The following NCCRP1 variants were observed in gnomAD, a reference collection of about 807,000 sequenced individuals.
NCCRP1 encodes the protein F-box only protein 50.
A neutral mutation model predicts 34.4 loss-of-function variants in NCCRP1; 32 were observed. The ratio of observed to expected loss-of-function variants is 0.93; its 90% CI spans 0.70 to 1.25. The LOEUF (loss-of-function observed/expected upper bound fraction) is 1.25. Ranked by LOEUF, NCCRP1 falls within the 50% of genes most tolerant of loss-of-function variation. The pLI, the probability that NCCRP1 is intolerant of heterozygous loss-of-function variation, is 0.00. For missense variants in NCCRP1, 372 were observed against 391.8 expected (o/e 0.95, Z 0.43); for synonymous variants, 172 against 180.1 (o/e 0.95, Z 0.36).
chr19:39,199,338 G>C, intron 4 of NCCRP1, 73 bp downstream of exon 4: 3 of 1,384,368 alleles, frequency 2.2e-6, no homozygotes, highest in Non-Finnish European at 3.0e-6. Context: ...CTTACTCTGA[G>C]CTCCCCTTGC....
At position 39,200,656 on chromosome 19, in the gene NCCRP1, T is replaced by C. The variant is rs2074784608; in HGVS notation, c.728T>C (p.Phe243Ser). The C allele has an allele frequency of 2.5e-6, 4 of 1,613,962 alleles. No homozygotes were observed. Among genetic ancestry groups the C allele is most frequent in the Admixed American group, 3.3e-5 (2 of 59,984 alleles). The change falls in exon 6 of 6, where the codon TTT (phenylalanine) becomes TCT (serine). Residue 243 changes from phenylalanine to serine, a missense_variant. Transcript: ENST00000339852. The surrounding 1 kb of genome is among the most constrained non-coding windows in gnomAD (Gnocchi z 5.8). ...VFRHYGPGVR[F>S]IHFLHKAKNR... ...CGCCATTATGGTCCCGGTGTGCGCT[T>C]TATCCACTTCCTGCACAAGGCCAAG...
intron 1 of NCCRP1, among the ~76,000 whole-genome samples, chr19:39,197,547 T>C (rs1001207343): frequency 2.0e-5 from 3 of 151,992 alleles, no homozygotes; most frequent in Non-Finnish European, 4.4e-5. Context: ...TCCATCTCTC[T>C]TTCTCTCTCC....
chr19:39,200,894 CGGTGGACTCCAGCATTTTCCCAGCA>C lies in NCCRP1; in HGVS notation c.*139_*163del. 9.2e-7 allele frequency: 1 copy of C among 1,083,724 alleles called. No individual in the cohort carries two copies. The highest frequency in any genetic ancestry group is 1.3e-6 in the Non-Finnish European group (1 of 761,504). 67.1% of individuals were successfully genotyped at this position (1,083,724 alleles called of 1,614,324 possible). ...ATGGACAGCTTCACACACCCTTAAG[CGGTGGACTCCAGCATTTTCCCAGCA>C]CTGTCTGAGCCCCATGAGGGCGGAG... On this transcript the variant is annotated 3_prime_UTR_variant, in exon 6 of 6. Coordinates refer to ENST00000339852, the MANE Select transcript of NCCRP1 (RefSeq NM_001001414.2). The surrounding 1 kb of genome is among the most constrained non-coding windows in gnomAD (Gnocchi z 5.8).
At chr19:39,199,328 C>T in intron 4 of NCCRP1, 63 bp downstream of exon 4, 2 of 1,473,672 alleles carry the variant, frequency 1.4e-6, no homozygotes, top group African/African-American at 2.8e-5. Flanking sequence ...GAGCATGAGC[C>T]TTACTCTGAG....
Position 39,200,225 on chromosome 19 carries a change from C to A in NCCRP1, c.549-121C>A. On this transcript the variant is annotated intron_variant, in intron 4 of 5. Transcript: ENST00000339852. This position sits in a 1 kb window ranked among gnomAD's most constrained non-coding sequence, Gnocchi z 5.8. ...TCACTGCTATGTTGCCAGCACCACCCAGCTCAGGGCTGTGTACAGCATGGG... is the reference window on the plus strand; with the variant it reads ...TCACTGCTATGTTGCCAGCACCACCAAGCTCAGGGCTGTGTACAGCATGGG... 1 of 1,325,180 alleles carries A rather than the reference C, an allele frequency of 7.5e-7. No homozygotes were observed. The allele number at this position is 1,325,180 out of a possible 1,614,324, so 82.1% of individuals were successfully genotyped here.
At chr19:39,199,048 C>T (rs2074775163) in intron 3 of NCCRP1, 122 bp from the exon 4 acceptor site, 1 of 813,834 alleles carries the variant, frequency 1.2e-6, no homozygotes, top group South Asian at 1.5e-5. Flanking sequence ...GTGGAAGGTG[C>T]TGAGGGAGCA....
rs60036622 is a variant in NCCRP1, at chr19:39,201,312, CT to C, written c.*572del. ...TCCCCTTAGCATCTCCACTTACCTA[CT>C]TTTTTTTTTTTTTTTGAGATGGCAT... On this transcript the variant is annotated 3_prime_UTR_variant, in exon 6 of 6. Coordinates refer to ENST00000339852, the MANE Select transcript of NCCRP1 (RefSeq NM_001001414.2). 0.046 allele frequency: 6,386 copies of C among 137,566 alleles called. 458 individuals carry two copies. The highest frequency in any genetic ancestry group is 0.16 in the African/African-American group (6,005 of 37,654). The allele number at this position is 137,566 out of a possible 1,614,324, so 8.5% of individuals were successfully genotyped here.
intron 3 of NCCRP1, 63 bp downstream of exon 3, chr19:39,198,316 G>T: frequency 6.4e-7 from 1 of 1,569,732 alleles, no homozygotes; most frequent in Non-Finnish European, 8.8e-7. Flanking sequence ...CTCACTGTGA[G>T]ACCTGGAGAA....
chr19:39,199,486 T>TC (rs992104839), intron 4 of NCCRP1, among the ~76,000 whole-genome samples: 12 of 79,832 alleles, frequency 1.5e-4, no homozygotes, highest in Non-Finnish European at 3.4e-4. Flanking sequence ...CTTTTTCTTT[T>TC]CTTTTTTTTT....
At chr19:39,198,830 C>T (rs1227028980) in intron 3 of NCCRP1, among the ~76,000 whole-genome samples, 4 of 152,176 alleles carry the variant, frequency 2.6e-5, no homozygotes, top group Admixed American at 1.3e-4. Flanking sequence ...GGCCCCTGTC[C>T]TCCATGAAAC....
chr19:39,199,071 G>A (rs1012352053), intron 3 of NCCRP1, 99 bp from the exon 4 acceptor site: 6 of 1,133,240 alleles, frequency 5.3e-6, no homozygotes, highest in Non-Finnish European at 7.9e-6. Flanking sequence ...CCACGTGTGG[G>A]GACCCAAGCT....
chr19:39,197,081 A>G lies in NCCRP1; in HGVS notation c.99A>G (p.Ser33=). Residue 33 remains serine (S), a synonymous_variant, in exon 1 of 6, where the codon TCA becomes TCG. Coordinates refer to ENST00000339852, the MANE Select transcript of NCCRP1 (RefSeq NM_001001414.2). ...TGCCTCCCTCGCCACGGTCGCCTTC[A>G]CCGCCGCCGTCGCCGCCACCACTGC... ...QELPPSPRSP[S]PPPSPPPLPS... 1 of 1,528,976 alleles carries G rather than the reference A, an allele frequency of 6.5e-7. No individual in the cohort carries two copies. The highest frequency in any genetic ancestry group is 8.7e-7 in the Non-Finnish European group (1 of 1,144,458). 94.7% of individuals were successfully genotyped at this position (1,528,976 alleles called of 1,614,324 possible). A position where few individuals can be genotyped will look rare whatever the true frequency, so the allele number is the denominator to read the frequency against.
In NCCRP1 at chr19:39,199,305, G is replaced by A. The variant is rs57769351; in HGVS notation, c.548+40G>A. The A allele has an allele frequency of 0.01, 16,129 of 1,568,850 alleles. 1,381 individuals are homozygous for A. The African/African-American group carries it at 0.19, about 18-fold the overall frequency. ...CCTGCCAGCCTGACCCCGTGATCGCGCAGGGCTGCCCAGAGCATGAGCCTT... is the reference window on the plus strand; with the variant it reads ...CCTGCCAGCCTGACCCCGTGATCGCACAGGGCTGCCCAGAGCATGAGCCTT... On this transcript the variant is annotated intron_variant, in intron 4 of 5. Coordinates refer to ENST00000339852, the MANE Select transcript of NCCRP1 (RefSeq NM_001001414.2).
At position 39,197,083 on chromosome 19, in the gene NCCRP1, C is replaced by T; in HGVS notation, c.101C>T (p.Pro34Leu). 1.3e-6 allele frequency: 2 copies of T among 1,528,912 alleles called. No homozygotes were observed. Among genetic ancestry groups the T allele is most frequent in the Non-Finnish European group, 1.7e-6 (2 of 1,144,404 alleles). 94.7% of individuals were successfully genotyped at this position (1,528,912 alleles called of 1,614,324 possible). ...ELPPSPRSPS[P>L]PPSPPPLPSP... ...CCTCCCTCGCCACGGTCGCCTTCAC[C>T]GCCGCCGTCGCCGCCACCACTGCCC... The change falls in exon 1 of 6, where the codon CCG (proline) becomes CTG (leucine). Residue 34 changes from proline (P) to leucine (L), a missense_variant. By Grantham distance (98) the Pro-to-Leu change is moderately conservative (BLOSUM62 -3). Coordinates refer to ENST00000339852, the MANE Select transcript of NCCRP1 (RefSeq NM_001001414.2).
chr19:39,197,361 C>T, intron 1 of NCCRP1, 42 bp downstream of exon 1: 2 of 1,367,352 alleles, frequency 1.5e-6, no homozygotes, highest in Non-Finnish European at 1.9e-6. Flanking sequence ...CCACCCTGAC[C>T]GTCTGTCTCT....
In NCCRP1 at chr19:39,200,439, G is replaced by A. The variant is rs1293121150; in HGVS notation, c.642G>A (p.Val214=). ...GCACGGTCATTGCTCAGCACCACGT[G>A]GCCCCCCGAACTTCTGGGAGAGGAC... The part of the protein sequence containing the change: ...DRRTVIAQHH[V]APRTSGRGPP... The change falls in exon 5 of 6, where the codon GTG becomes GTA. Residue 214 remains valine (V), a synonymous_variant. Coordinates refer to ENST00000339852, the MANE Select transcript of NCCRP1 (RefSeq NM_001001414.2). This position sits in a 1 kb window ranked among gnomAD's most constrained non-coding sequence, Gnocchi z 5.8. The A allele has an allele frequency of 1.2e-6, 2 of 1,613,416 alleles. No individual in the cohort carries two copies. The highest frequency in any genetic ancestry group is 1.7e-6 in the Non-Finnish European group (2 of 1,180,032).
chr19:39,200,326 G>A lies in NCCRP1; in HGVS notation c.549-20G>A. On this transcript the variant is annotated intron_variant, in intron 4 of 5. Coordinates refer to ENST00000339852, the MANE Select transcript of NCCRP1 (RefSeq NM_001001414.2). The surrounding 1 kb of genome is among the most constrained non-coding windows in gnomAD (Gnocchi z 5.8). ...AGCTGAGACTGCAGTGACAGCTGAA[G>A]GCCTTGACTCCGCCTGCAGGTTCGA... is the stretch of plus-strand genomic sequence containing the variant. 1.2e-6 allele frequency: 2 copies of A among 1,611,876 alleles called. No homozygotes were observed. The highest frequency in any genetic ancestry group is 1.7e-6 in the Non-Finnish European group (2 of 1,179,522).
rs116380020 is a variant in NCCRP1, at chr19:39,198,358, T to G, written c.452+105T>G. 2.0e-3 allele frequency: 2,479 copies of G among 1,230,910 alleles called. 48 individuals carry two copies. The African/African-American group carries it at 0.031, about 16-fold the overall frequency. The allele number at this position is 1,230,910 out of a possible 1,614,324, so 76.2% of individuals were successfully genotyped here. ...TTGGCCTCTCTGGACCTCCATTTCC[T>G]GCTCTGTAAACAGGGTTAGCATAAG... On this transcript the variant is annotated intron_variant, in intron 3 of 5. Coordinates refer to ENST00000339852, the MANE Select transcript of NCCRP1 (RefSeq NM_001001414.2).
At chr19:39,198,328 C>A (rs1218147985) in intron 3 of NCCRP1, 75 bp downstream of exon 3, 2 of 1,496,444 alleles carry the variant, frequency 1.3e-6, no homozygotes, top group Non-Finnish European at 9.3e-7. Context: ...CCTGGAGAAA[C>A]TGACTTGGCC....
Sources: gnomAD v4.1 joint callset for allele counts (sites outside exome capture counted in the v4.1 genomes callset) on GRCh38, gnomAD v4.1.1 for gene constraint, Gnocchi (gnomAD v3.1) non-coding constraint, MANE v1.5 for transcripts, NCBI Gene and HGNC (gene_info 2026-07-23, HGNC 2026-07-21) for gene names.